Variants in DMXL1 observed in about 807,000 individuals in gnomAD.
The protein encoded by DMXL1 is Dmx like 1, also known as dmX-like protein 1.
Under a neutral mutation model 319.2 loss-of-function variants are expected in DMXL1, and 99 were observed. The ratio of observed to expected loss-of-function variants is 0.31; its 90% CI spans 0.26 to 0.37. The LOEUF (loss-of-function observed/expected upper bound fraction) is 0.37, where lower values mean the gene tolerates loss of function less well. Ranked by LOEUF, DMXL1 falls within the 10% of genes least tolerant of loss-of-function variation. The pLI is 1.00. For synonymous variants in DMXL1, 1,385 were observed against 1,235.2 expected (o/e 1.12, Z -2.54); for missense variants, 3,745 against 3,595.6 (o/e 1.04, Z -1.06).
At chr5:119,222,341 G>A (rs1426309100) in intron 37 of DMXL1, among the ~76,000 whole-genome samples, 1 of 152,072 alleles carries the variant, frequency 6.6e-6, no homozygotes. Context: ...AAGTAGCAGT[G>A]TTTTAAGGAT....
intron 25 of DMXL1, among the ~76,000 whole-genome samples, chr5:119,175,025 A>T (rs1340457643): frequency 6.6e-6 from 1 of 152,222 alleles, no homozygotes; most frequent in Non-Finnish European, 1.5e-5. Flanking sequence ...GAAATTAGGT[A>T]GCAAATGTGT....
At chr5:119,113,627 G>A (rs1175637113) in intron 5 of DMXL1, among the ~76,000 whole-genome samples, 2 of 152,206 alleles carry the variant, frequency 1.3e-5, no homozygotes, top group Non-Finnish European at 2.9e-5. Context: ...AGTAGAGAGA[G>A]TGGAGAGAAG....
Position 119,139,171 on chromosome 5 carries a change from T to C in DMXL1, c.2377-4670T>C, listed in dbSNP as rs143851172. Among the ~76,000 whole-genome samples, 444 of 151,414 alleles carry C rather than the reference T, an allele frequency of 2.9e-3. 2 individuals are homozygous for C. Among genetic ancestry groups the C allele is most frequent in the Non-Finnish European group, 3.7e-3 (252 of 67,986 alleles). ...ATGGAAAGATCACTACCACCTAATATAAAAACACACTTAAATATACACAGA... is the reference window on the plus strand; with the variant it reads ...ATGGAAAGATCACTACCACCTAATACAAAAACACACTTAAATATACACAGA... On this transcript the variant is annotated intron_variant, in intron 13 of 43. Coordinates refer to ENST00000539542, the MANE Select transcript of DMXL1 (RefSeq NM_001290321.3).
chr5:119,129,658 C>G (rs1485313792), intron 10 of DMXL1, among the ~76,000 whole-genome samples: 1 of 152,158 alleles, frequency 6.6e-6, no homozygotes, highest in Non-Finnish European at 1.5e-5. Flanking sequence ...GCCCTTAGGA[C>G]TTTCCTATAT....
Position 119,085,405 on chromosome 5 carries a change from G to A in DMXL1, c.88-12574G>A, listed in dbSNP as rs568870254. On this transcript the variant is annotated intron_variant, in intron 1 of 43. Transcript: ENST00000539542. ...TAATTCTGGATTTTTTCTGTTCTTC[G>A]TAGCTATTGTAATGGGATTGCTTTC... is the stretch of plus-strand genomic sequence containing the variant. 8.9e-4 allele frequency among the ~76,000 whole-genome samples: 135 copies of A among 151,682 alleles called. 1 individual carries two copies. Among genetic ancestry groups the A allele is most frequent in the Non-Finnish European group, 1.3e-4 (9 of 67,920 alleles).
At chr5:119,113,939 T>C (rs569461586) in intron 5 of DMXL1, among the ~76,000 whole-genome samples, 15 of 152,284 alleles carry the variant, frequency 9.9e-5, no homozygotes, top group Admixed American at 7.8e-4. Context: ...TATATATGAG[T>C]AGCTGTAAGG....
rs976805866 is a variant in DMXL1, at chr5:119,071,760, C to G, written c.87+104C>G. On this transcript the variant is annotated intron_variant, in intron 1 of 43. Transcript: ENST00000539542. ...GGGCAGAGGCGCGAGGTCTTGTCTC[C>G]CCAGGGGGGTCCTTACCACCCAGAA... 3 of 1,072,462 alleles carry G rather than the reference C, an allele frequency of 2.8e-6. No homozygotes were observed. In the East Asian group the frequency reaches 7.9e-5, roughly 28 times the overall value. 66.4% of individuals were successfully genotyped at this position (1,072,462 alleles called of 1,614,324 possible). A position where few individuals can be genotyped will look rare whatever the true frequency, so the allele number is the denominator to read the frequency against.
At chr5:119,200,314 C>G (rs1780466867) in intron 32 of DMXL1, among the ~76,000 whole-genome samples, 1 of 152,146 alleles carries the variant, frequency 6.6e-6, no homozygotes, top group Admixed American at 6.5e-5. Context: ...ATCCCAGCAC[C>G]ATTTATAGAA....
intron 32 of DMXL1, among the ~76,000 whole-genome samples, chr5:119,200,705 T>C (rs1780543616): frequency 6.6e-6 from 1 of 152,296 alleles, no homozygotes; most frequent in East Asian, 1.9e-4. Context: ...TCCATGAACA[T>C]GGGATGTTTT....
rs77543001 is a variant in DMXL1 at position 119,203,699 on chromosome 5, A to G, written c.7863+263A>G. Among the ~76,000 whole-genome samples the G allele has an allele frequency of 1.9e-3, 285 of 152,326 alleles. 1 individual carries two copies. Among genetic ancestry groups the G allele is most frequent in the African/African-American group, 6.7e-3 (280 of 41,574 alleles). On this transcript the variant is annotated intron_variant, in intron 33 of 43. Transcript: ENST00000539542. ...TTGTTTTGAATTGTCATGATCATCA[A>G]TTTAAGAGACAAGATAGAAATTTTC...
At chr5:119,165,154 A>G in intron 20 of DMXL1, 29 bp from the exon 21 acceptor site, 1 of 1,360,996 alleles carries the variant, frequency 7.3e-7, no homozygotes, top group Non-Finnish European at 1.0e-6. Flanking sequence ...TGTTTCTGTG[A>G]AATTTTGATC....
intron 35 of DMXL1, 53 bp from the exon 36 acceptor site, chr5:119,220,419 T>C (rs974100930): frequency 6.4e-6 from 10 of 1,571,270 alleles, no homozygotes; most frequent in Middle Eastern, 1.7e-4. Context: ...GCAGCTCATA[T>C]ACTATCTCTT....
intron 9 of DMXL1, chr5:119,126,657 T>G (rs1424976259): frequency 6.6e-6 from 1 of 152,454 alleles, no homozygotes; most frequent in East Asian, 1.9e-4. Flanking sequence ...TCCATCATTA[T>G]AGACAAAACT....
intron 1 of DMXL1, among the ~76,000 whole-genome samples, chr5:119,077,478 G>GT (rs1751137319): frequency 8.1e-6 from 1 of 123,104 alleles, no homozygotes; most frequent in Admixed American, 8.8e-5. Flanking sequence ...CTTCATCTTA[G>GT]GTTTTTTTTT....
chr5:119,078,586 G>C (rs1751512923), intron 1 of DMXL1, among the ~76,000 whole-genome samples: 1 of 152,130 alleles, frequency 6.6e-6, no homozygotes, highest in Non-Finnish European at 1.5e-5. Context: ...AAGTAGCTGG[G>C]ACCACAGGTG....
intron 28 of DMXL1, chr5:119,178,480 AT>A: frequency 2.2e-6 from 1 of 446,990 alleles, no homozygotes; most frequent in South Asian, 9.6e-5. Flanking sequence ...TTTATTAAAT[AT>A]TTTACTACTG....
intron 1 of DMXL1, among the ~76,000 whole-genome samples, chr5:119,078,727 C>G (rs548596553): frequency 6.6e-6 from 1 of 152,126 alleles, no homozygotes; most frequent in Non-Finnish European, 1.5e-5. Flanking sequence ...GCTGGGATTA[C>G]AGACATGACC....
At chr5:119,091,295 T>G (rs1754753923) in intron 1 of DMXL1, among the ~76,000 whole-genome samples, 2 of 152,050 alleles carry the variant, frequency 1.3e-5, no homozygotes, top group African/African-American at 4.8e-5. Flanking sequence ...CAGCCTTAAT[T>G]TACCAGCTCA....
At chr5:119,130,026 A>C (rs1287529790) in intron 10 of DMXL1, among the ~76,000 whole-genome samples, 1 of 152,064 alleles carries the variant, frequency 6.6e-6, no homozygotes, top group African/African-American at 2.4e-5. Flanking sequence ...AGAAATGGAA[A>C]GTAAGAAACT....
Sources: allele counts gnomAD v4.1 joint callset (sites outside exome capture counted in the v4.1 genomes callset), GRCh38; gene constraint gnomAD v4.1.1; transcripts MANE v1.5; gene names NCBI Gene and HGNC (gene_info 2026-07-23, HGNC 2026-07-21).